The following SEMA6D variants were observed in gnomAD, a reference collection of about 807,000 sequenced individuals.
The protein encoded by SEMA6D is semaphorin-6D.
SEMA6D carries 35 observed loss-of-function variants against 106.6 expected under a neutral mutation model. That is an observed-to-expected ratio of 0.33 (90% CI 0.25 to 0.44). The LOEUF (loss-of-function observed/expected upper bound fraction) is 0.44, where lower values mean the gene tolerates loss of function less well. SEMA6D is among the 20% of genes least tolerant of loss of function. The pLI is 1.00. For synonymous variants in SEMA6D, 499 were observed against 487.7 expected, an observed-to-expected ratio of 1.02 and a Z score of -0.31; for missense variants, 1,185 against 1,345.9, an observed-to-expected ratio of 0.88 and a Z score of 1.87.
At chr15:47,440,479 T>C (rs2041848685) in intron 2 of SEMA6D, among the ~76,000 whole-genome samples, 1 of 151,966 alleles carries the variant, frequency 6.6e-6, no homozygotes, top group Non-Finnish European at 1.5e-5. Flanking sequence ...TGCAAGCGTG[T>C]TTTTAGTGGT....
chr15:47,190,855 A>G (rs564120642), intron 1 of SEMA6D, among the ~76,000 whole-genome samples: 29 of 152,288 alleles, frequency 1.9e-4, no homozygotes, highest in African/African-American at 6.7e-4. Context: ...TTTTGAAGGA[A>G]TCTCCATAGC....
intron 3 of SEMA6D, among the ~76,000 whole-genome samples, chr15:47,583,237 A>T (rs1596363670): frequency 1.3e-5 from 2 of 152,252 alleles, no homozygotes; most frequent in Middle Eastern, 3.4e-3. Flanking sequence ...GTAGAAACTG[A>T]GTTTCTAGGA....
chr15:47,341,278 T>C (rs1376234877), intron 1 of SEMA6D, among the ~76,000 whole-genome samples: 1 of 151,870 alleles, frequency 6.6e-6, no homozygotes, highest in Non-Finnish European at 1.5e-5. Context: ...TAATCCCAGC[T>C]ACTCAGGAGG....
At chr15:47,674,772 G>A (rs2078209962) in intron 4 of SEMA6D, among the ~76,000 whole-genome samples, 1 of 152,170 alleles carries the variant, frequency 6.6e-6, no homozygotes, top group South Asian at 2.1e-4. Flanking sequence ...GTGTACATGA[G>A]GATTAAGGTG....
At chr15:47,239,860 A>G (rs989591715) in intron 1 of SEMA6D, among the ~76,000 whole-genome samples, 1 of 152,204 alleles carries the variant, frequency 6.6e-6, no homozygotes, top group Non-Finnish European at 1.5e-5. Context: ...ATTCTATACA[A>G]GTAATTTGTA....
intron 1 of SEMA6D, among the ~76,000 whole-genome samples, chr15:47,209,404 G>A (rs1232850378): frequency 6.6e-6 from 1 of 152,106 alleles, no homozygotes; most frequent in Non-Finnish European, 1.5e-5. Flanking sequence ...GTACAGTTTT[G>A]CAAATGCTAG....
At chr15:47,537,362 G>A (rs1420145606) in intron 3 of SEMA6D, among the ~76,000 whole-genome samples, 1 of 152,204 alleles carries the variant, frequency 6.6e-6, no homozygotes, top group Non-Finnish European at 1.5e-5. Flanking sequence ...AGGAAACGTG[G>A]TAAATAAGTG....
At chr15:47,271,672 G>T (rs1303679714) in intron 1 of SEMA6D, among the ~76,000 whole-genome samples, 1 of 152,060 alleles carries the variant, frequency 6.6e-6, no homozygotes, top group Non-Finnish European at 1.5e-5. Flanking sequence ...TGGTGGCAAA[G>T]GTCAGTTGTT....
chr15:47,261,177 T>A (rs932047332), intron 1 of SEMA6D, among the ~76,000 whole-genome samples: 2 of 152,148 alleles, frequency 1.3e-5, no homozygotes, highest in African/African-American at 4.8e-5. Flanking sequence ...TAACCGAGTT[T>A]TGCCTTGTTT....
intron 10 of SEMA6D, 37 bp from the exon 11 acceptor site, chr15:47,764,137 T>C (rs1233421263): frequency 6.2e-7 from 1 of 1,612,786 alleles, no homozygotes; most frequent in Admixed American, 1.7e-5. Context: ...AGGCTTCATG[T>C]CGCCAGCCTC....
intron 4 of SEMA6D, among the ~76,000 whole-genome samples, chr15:47,643,023 G>A (rs748972933): frequency 9.9e-5 from 15 of 151,942 alleles, no homozygotes; most frequent in Non-Finnish European, 2.2e-4. Context: ...ACAGAAATAG[G>A]AATAAGAGAG....
At chr15:47,409,894 G>A (rs1041706083) in intron 1 of SEMA6D, among the ~76,000 whole-genome samples, 4 of 151,950 alleles carry the variant, frequency 2.6e-5, no homozygotes, top group Admixed American at 6.6e-5. Flanking sequence ...CTATTTTCGG[G>A]GTTGTGGGGG....
intron 1 of SEMA6D, among the ~76,000 whole-genome samples, chr15:47,330,597 A>T (rs906443783): frequency 2.6e-5 from 4 of 152,214 alleles, no homozygotes; most frequent in Non-Finnish European, 4.4e-5. Context: ...TTCAGCCAAC[A>T]TTTATTGAGT....
In SEMA6D at chr15:47,535,110, C is replaced by CA. The variant is rs201633966; in HGVS notation, c.-87+64572dup. Reference sequence around the variant, plus strand: ...ACAAAAACACACACACAAAAAAACACAAAAAAACACAAAAAACAACAATGA... The same window carrying CA: ...ACAAAAACACACACACAAAAAAACACAAAAAAAACACAAAAAACAACAATGA... On this transcript the variant is annotated intron_variant, in intron 3 of 19. Coordinates refer to the SEMA6D transcript ENST00000558014. 4.4e-3 allele frequency among the ~76,000 whole-genome samples: 649 copies of CA among 146,286 alleles called. 15 individuals carry two copies. The East Asian group carries it at 0.067, about 15-fold the overall frequency.
intron 3 of SEMA6D, among the ~76,000 whole-genome samples, chr15:47,531,472 A>G (rs1175160551): frequency 6.6e-6 from 1 of 152,192 alleles, no homozygotes; most frequent in Non-Finnish European, 1.5e-5. Flanking sequence ...GTAGCTACCC[A>G]TTTGGCAGAT....
rs544017745 is a variant in SEMA6D, at chr15:47,702,373, G to T, written c.-54-57372G>T. ...ATTCAGAACACTGACAACAAGAAATGCTGGAAAGGACGTGAAGCAACAGGA... is the reference window on the plus strand; with the variant it reads ...ATTCAGAACACTGACAACAAGAAATTCTGGAAAGGACGTGAAGCAACAGGA... On this transcript the variant is annotated intron_variant, in intron 4 of 19. Transcript: ENST00000558014. Among the ~76,000 whole-genome samples the T allele has an allele frequency of 4.6e-5, 7 of 152,310 alleles. No homozygotes were observed. The East Asian group carries it at 1.3e-3, about 29-fold the overall frequency.
intron 1 of SEMA6D, among the ~76,000 whole-genome samples, chr15:47,410,742 T>C: frequency 6.6e-6 from 1 of 152,118 alleles, no homozygotes; most frequent in East Asian, 1.9e-4. Context: ...GGCCAAAGAA[T>C]CTGTGTTGTT....
chr15:47,436,592 G>A (rs184374822), intron 2 of SEMA6D, among the ~76,000 whole-genome samples: 199 of 150,284 alleles, frequency 1.3e-3, no homozygotes, highest in Admixed American at 0.012. Flanking sequence ...TTATGATGCA[G>A]AAAAAATGCT....
chr15:47,449,405 G>C (rs1452077827), intron 2 of SEMA6D, among the ~76,000 whole-genome samples: 13 of 151,974 alleles, frequency 8.6e-5, no homozygotes, highest in Admixed American at 7.2e-4. Flanking sequence ...ACTGGAGAAG[G>C]GGTTACAGGA....
Sources: allele counts gnomAD v4.1 joint callset (sites outside exome capture counted in the v4.1 genomes callset), GRCh38; gene constraint gnomAD v4.1.1; transcripts MANE v1.5; gene names NCBI Gene and HGNC (gene_info 2026-07-23, HGNC 2026-07-21).